Variants in RAB33A observed in about 807,000 individuals in gnomAD.
The protein encoded by RAB33A is RAB33A, member RAS oncogene family, also known as ras-related protein Rab-33A.
A neutral mutation model predicts 12.0 loss-of-function variants in RAB33A; 6 were observed. That is an observed-to-expected ratio of 0.50 (90% CI 0.27 to 0.99). The LOEUF (loss-of-function observed/expected upper bound fraction) is 0.99. RAB33A is among the 50% of genes least tolerant of loss of function. RAB33A has a pLI of 0.11. For synonymous variants in RAB33A, 70 were observed against 82.4 expected, an observed-to-expected ratio of 0.85 and a Z score of 0.81; for missense variants, 109 against 192.0, an observed-to-expected ratio of 0.57 and a Z score of 2.55.
At chrX:130,124,592 AGT>A in the RAB33A span, among the ~76,000 whole-genome samples, 1 of 112,251 alleles carries the variant, frequency 8.9e-6, no homozygotes, top group Non-Finnish European at 1.9e-5. Context: ...TCTGCCTGAT[AGT>A]GGTCCTCCAG....
At chrX:130,174,351 C>T (rs992944658) in intron 1 of RAB33A, among the ~76,000 whole-genome samples, 13 of 111,746 alleles carry the variant, frequency 1.2e-4, no homozygotes, top group Admixed American at 8.6e-4. Context: ...GGGCAGATTC[C>T]AAAGGAGCTC....
intron 1 of RAB33A, among the ~76,000 whole-genome samples, chrX:130,178,714 C>T (rs2031689619): frequency 2.7e-5 from 3 of 109,734 alleles, no homozygotes; most frequent in Admixed American, 1.9e-4. Flanking sequence ...TGCAGTGGCG[C>T]CATCTCGACT....
intron 1 of RAB33A, among the ~76,000 whole-genome samples, chrX:130,182,711 G>A (rs958065325): frequency 9.1e-6 from 1 of 109,336 alleles, no homozygotes; most frequent in African/African-American, 3.3e-5. Flanking sequence ...CCGAGATCGT[G>A]CCATTTCACT....
the RAB33A span, among the ~76,000 whole-genome samples, chrX:130,124,014 C>T: frequency 2.8e-4 from 31 of 112,120 alleles, no homozygotes; most frequent in Non-Finnish European, 5.3e-4. Context: ...GTGGGAGGAT[C>T]GCTTGAACCC....
At chrX:130,176,292 G>T (rs1271385918) in intron 1 of RAB33A, among the ~76,000 whole-genome samples, 1 of 111,846 alleles carries the variant, frequency 8.9e-6, no homozygotes, top group Non-Finnish European at 1.9e-5. Flanking sequence ...GTGTAGAGAG[G>T]GAGGGTATGT....
chrX:130,139,066 C>A, the RAB33A span, among the ~76,000 whole-genome samples: 2 of 110,146 alleles, frequency 1.8e-5, no homozygotes, highest in Non-Finnish European at 3.8e-5. Context: ...TTATCCAGCT[C>A]AAAATGCCAA....
the RAB33A span, among the ~76,000 whole-genome samples, chrX:130,133,692 G>A: frequency 4.6e-5 from 5 of 108,893 alleles, no homozygotes; most frequent in East Asian, 8.7e-4. Flanking sequence ...GCAGTGGTGC[G>A]ATCATGGCTC....
chrX:130,173,504 T>C (rs1430893643), intron 1 of RAB33A, among the ~76,000 whole-genome samples: 5 of 111,829 alleles, frequency 4.5e-5, no homozygotes, highest in Admixed American at 9.5e-5. Context: ...CACTTGAAAC[T>C]GTGCGAGACT....
the RAB33A span, among the ~76,000 whole-genome samples, chrX:130,120,956 C>T: frequency 5.3e-5 from 6 of 112,935 alleles, no homozygotes; most frequent in African/African-American, 1.3e-4. Context: ...GGCTCCTCTG[C>T]CCCCAGCTTT....
At chrX:130,147,231 A>C in the RAB33A span, among the ~76,000 whole-genome samples, 940 of 112,552 alleles carry the variant, frequency 8.4e-3, 11 homozygotes, top group African/African-American at 0.029. Context: ...GAAGCTTAAC[A>C]TAAAGGTTCC....
At chrX:130,112,433 C>A in the RAB33A span, among the ~76,000 whole-genome samples, 2 of 112,168 alleles carry the variant, frequency 1.8e-5, no homozygotes, top group African/African-American at 6.5e-5. Flanking sequence ...ACACACTTTC[C>A]CATTTTGCTA....
At chrX:130,126,174 C>T in the RAB33A span, among the ~76,000 whole-genome samples, 3 of 112,321 alleles carry the variant, frequency 2.7e-5, no homozygotes, top group Non-Finnish European at 3.8e-5. Context: ...CAAACCTCGA[C>T]TGGCACTGCT....
At chrX:130,165,461 C>T in the RAB33A span, 38 of 766,576 alleles carry the variant, frequency 5.0e-5, no homozygotes. Context: ...AAGTTTCTCG[C>T]GGGGACGCGG....
At chrX:130,137,157 T>C in the RAB33A span, 7,635 of 1,208,827 alleles carry the variant, frequency 6.3e-3, 208 homozygotes, top group African/African-American at 0.094. Context: ...CGGGGAAGAG[T>C]TGAATCACTT....
chrX:130,184,152 G>C, intron 1 of RAB33A, 133 bp from the exon 2 acceptor site: 1 of 576,377 alleles, frequency 1.7e-6, no homozygotes, highest in Non-Finnish European at 2.7e-6. Context: ...GCTTCCCAAA[G>C]TGCTGGGATT....
At chrX:130,155,636 T>C in the RAB33A span, among the ~76,000 whole-genome samples, 213 of 112,122 alleles carry the variant, frequency 1.9e-3, 1 homozygote, top group Non-Finnish European at 2.4e-3. Flanking sequence ...AAATTCATTG[T>C]CTTACCAATG....
chrX:130,149,906 A>C, the RAB33A span, among the ~76,000 whole-genome samples: 1 of 112,305 alleles, frequency 8.9e-6, no homozygotes, highest in South Asian at 3.7e-4. Context: ...AGAAAGGGCT[A>C]ATCTATATAT....
intron 1 of RAB33A, 54 bp downstream of exon 1, chrX:130,172,374 C>T: frequency 8.7e-7 from 1 of 1,147,810 alleles, no homozygotes; most frequent in Non-Finnish European, 1.2e-6. Flanking sequence ...GGACCTCGCC[C>T]GAGGCATAGC....
the RAB33A span, among the ~76,000 whole-genome samples, chrX:130,160,939 G>GT: frequency 4.8e-3 from 522 of 109,687 alleles, 3 homozygotes; most frequent in African/African-American, 0.016. Context: ...AAACTTAAGA[G>GT]TTTTTTTTAA....
Sources: allele counts gnomAD v4.1 joint callset (sites outside exome capture counted in the v4.1 genomes callset), GRCh38; gene constraint gnomAD v4.1.1; transcripts MANE v1.5; gene names NCBI Gene and HGNC (gene_info 2026-07-23, HGNC 2026-07-21).